Variants in RBFOX1 observed in about 807,000 individuals in gnomAD.
RBFOX1 encodes RNA binding fox-1 homolog 1.
Under a neutral mutation model 57.7 loss-of-function variants are expected in RBFOX1, and 8 were observed. The ratio of observed to expected loss-of-function variants is 0.14; its 90% CI spans 0.08 to 0.25. The LOEUF is 0.25. RBFOX1 is among the 10% of genes least tolerant of loss of function. The pLI, the probability that RBFOX1 is intolerant of heterozygous loss-of-function variation, is 1.00. For synonymous variants in RBFOX1, 326 were observed against 222.4 expected, an observed-to-expected ratio of 1.47 and a Z score of -4.15; for missense variants, 611 against 548.5, an observed-to-expected ratio of 1.11 and a Z score of -1.14.
chr16:7,583,468 C>G (rs975044796), intron 6 of RBFOX1, among the ~76,000 whole-genome samples: 3 of 152,146 alleles, frequency 2.0e-5, no homozygotes, highest in Non-Finnish European at 4.4e-5. Context: ...ATATTGCACC[C>G]TAAATAGAAT....
At chr16:7,052,427 G>A (rs1417665697) in intron 4 of RBFOX1, among the ~76,000 whole-genome samples, 1 of 152,116 alleles carries the variant, frequency 6.6e-6, no homozygotes, top group East Asian at 1.9e-4. Flanking sequence ...AGGATGGCTG[G>A]CTGCCTTCTT....
intron 4 of RBFOX1, among the ~76,000 whole-genome samples, chr16:7,314,035 C>G (rs971492253): frequency 3.0e-5 from 2 of 67,502 alleles, no homozygotes; most frequent in Admixed American, 1.9e-4. Flanking sequence ...ATGCTCTTCC[C>G]GATTTTGTTT....
chr16:5,690,272 C>A (rs2050633023), intron 3 of RBFOX1, among the ~76,000 whole-genome samples: 1 of 152,208 alleles, frequency 6.6e-6, no homozygotes, highest in Non-Finnish European at 1.5e-5. Flanking sequence ...GTCATCAATG[C>A]CAACAAAGTG....
intron 4 of RBFOX1, among the ~76,000 whole-genome samples, chr16:5,936,868 A>G (rs1223584457): frequency 6.6e-6 from 1 of 152,154 alleles, no homozygotes; most frequent in Non-Finnish European, 1.5e-5. Flanking sequence ...GGTATCAAAG[A>G]TCTCACAGAG....
chr16:6,640,950 C>T (rs2098482808), intron 2 of RBFOX1, among the ~76,000 whole-genome samples: 1 of 152,124 alleles, frequency 6.6e-6, no homozygotes. Context: ...CTGTGGCAGC[C>T]ATGCTACTCA....
intron 2 of RBFOX1, among the ~76,000 whole-genome samples, chr16:6,498,341 T>C (rs570909989): frequency 2.0e-5 from 3 of 152,150 alleles, no homozygotes; most frequent in African/African-American, 7.2e-5. Flanking sequence ...GAGAGACTTA[T>C]GAGCAGAAAT....
chr16:7,592,114 C>T (rs1392093184), intron 7 of RBFOX1, among the ~76,000 whole-genome samples: 1 of 152,036 alleles, frequency 6.6e-6, no homozygotes, highest in Non-Finnish European at 1.5e-5. Context: ...TTTTGAGGAC[C>T]GTCTGGAGCA....
chr16:5,945,459 A>G (rs912614747), intron 4 of RBFOX1, among the ~76,000 whole-genome samples: 1 of 152,202 alleles, frequency 6.6e-6, no homozygotes, highest in Non-Finnish European at 1.5e-5. Flanking sequence ...AGATGATAAC[A>G]TCTATTGAGC....
chr16:7,515,476 C>T (rs1600602379), intron 4 of RBFOX1, among the ~76,000 whole-genome samples: 1 of 148,062 alleles, frequency 6.8e-6, no homozygotes, highest in African/African-American at 2.6e-5. Flanking sequence ...TCCACACACA[C>T]ATACACACAC....
chr16:7,540,125 AC>A (rs898088812), intron 5 of RBFOX1, among the ~76,000 whole-genome samples: 23 of 152,094 alleles, frequency 1.5e-4, no homozygotes, highest in South Asian at 1.5e-3. Flanking sequence ...GATTCTTCTA[AC>A]CCCCGTCTCC....
chr16:6,552,455 T>A, intron 2 of RBFOX1, among the ~76,000 whole-genome samples: 1 of 152,166 alleles, frequency 6.6e-6, no homozygotes, highest in Admixed American at 6.5e-5. Context: ...ATTCATGTGT[T>A]TGTAGTGAAG....
intron 2 of RBFOX1, among the ~76,000 whole-genome samples, chr16:5,495,070 G>T (rs776372729): frequency 4.6e-5 from 7 of 152,184 alleles, no homozygotes; most frequent in Non-Finnish European, 7.3e-5. Flanking sequence ...GAGGAAAGAG[G>T]TTTAATTGAC....
chr16:5,604,044 A>G (rs983994480), downstream of RBFOX1, among the ~76,000 whole-genome samples: 1 of 152,212 alleles, frequency 6.6e-6, no homozygotes, highest in African/African-American at 2.4e-5. Context: ...TACTCCAGGC[A>G]GACATTACTA....
At chr16:5,889,781 G>T (rs1487147854) in intron 4 of RBFOX1, among the ~76,000 whole-genome samples, 1 of 152,196 alleles carries the variant, frequency 6.6e-6, no homozygotes, top group Non-Finnish European at 1.5e-5. Context: ...TTTGATCAAG[G>T]CCTGAGAGAG....
chr16:6,676,750 A>G (rs1203145545), intron 3 of RBFOX1, among the ~76,000 whole-genome samples: 3 of 140,438 alleles, frequency 2.1e-5, no homozygotes, highest in African/African-American at 8.1e-5. Flanking sequence ...ATCAAGGGTC[A>G]CTGCAACCTT....
intron 3 of RBFOX1, among the ~76,000 whole-genome samples, chr16:6,864,256 A>G (rs1207582775): frequency 6.6e-6 from 1 of 152,162 alleles, no homozygotes; most frequent in Non-Finnish European, 1.5e-5. Flanking sequence ...TAACTCTTCC[A>G]CATTTAGACA....
At chr16:7,466,632 G>T (rs1186029755) in intron 4 of RBFOX1, among the ~76,000 whole-genome samples, 1 of 152,206 alleles carries the variant, frequency 6.6e-6, no homozygotes, top group African/African-American at 2.4e-5. Context: ...CTAGCTGTGT[G>T]TCCTTAGCAA....
At chr16:7,525,575 A>G (rs930807327) in intron 5 of RBFOX1, among the ~76,000 whole-genome samples, 1 of 151,996 alleles carries the variant, frequency 6.6e-6, no homozygotes, top group African/African-American at 2.4e-5. Flanking sequence ...CCCTTGCCCA[A>G]CCCAATGTGC....
At chr16:6,246,407 C>A (rs2097569303) in intron 1 of RBFOX1, among the ~76,000 whole-genome samples, 2 of 152,094 alleles carry the variant, frequency 1.3e-5, no homozygotes, top group Admixed American at 6.5e-5. Context: ...CCCCTTTCCC[C>A]AAAAGCAAGG....
Sources: gnomAD v4.1 joint callset for allele counts (sites outside exome capture counted in the v4.1 genomes callset) on GRCh38, gnomAD v4.1.1 for gene constraint, MANE v1.5 for transcripts, NCBI Gene and HGNC (gene_info 2026-07-23, HGNC 2026-07-21) for gene names.